USP42: variants seen among roughly 807,000 people sequenced by gnomAD.
USP42 encodes the protein ubiquitin specific peptidase 42, also known as ubiquitin carboxyl-terminal hydrolase 42.
In USP42, 23 loss-of-function variants were observed where a neutral mutation model predicts 113.0. That is an observed-to-expected ratio of 0.20 (90% CI 0.15 to 0.29). The LOEUF (loss-of-function observed/expected upper bound fraction) is 0.29. Ranked by LOEUF, USP42 falls within the 10% of genes least tolerant of loss-of-function variation. The pLI is 1.00. For missense variants in USP42, 2,174 were observed against 1,779.8 expected (o/e 1.22, Z -3.99); for synonymous variants, 933 against 699.0 (o/e 1.33, Z -5.28).
Position 6,159,454 on chromosome 7 carries a change from T to C in USP42, c.3948T>C (p.Asp1316=). 1 of 1,614,006 alleles carries C rather than the reference T, an allele frequency of 6.2e-7. No homozygotes were observed. The highest frequency in any genetic ancestry group is 8.5e-7 in the Non-Finnish European group (1 of 1,179,882). Residue 1316 remains aspartate, a synonymous_variant, in exon 17 of 18, where the codon GAT becomes GAC. Coordinates refer to ENST00000306177, the MANE Select transcript of USP42 (RefSeq NM_032172.3). The surrounding 1 kb of genome is among the most constrained non-coding windows in gnomAD (Gnocchi z 4.1). ...RCRLFEYGQG[D] is the part of the protein sequence containing the mutation. The stretch of plus-strand genomic sequence containing the variant: ...TTCCTGACCTTTGCTTTCTAGGTGA[T>C]TGAAAACTCAGCCTCAAAACAAAAA...
At position 6,111,193 on chromosome 7, in the gene USP42, T is replaced by C. The variant is rs1402794308; in HGVS notation, c.60T>C (p.Pro20=). Residue 20 remains proline, a synonymous_variant, in exon 2 of 18, where the codon CCT becomes CCC. Coordinates refer to ENST00000306177, the MANE Select transcript of USP42 (RefSeq NM_032172.3). ...SSDPSAYQNQ[P]GSSEAVSPGD... is the part of the protein sequence containing the mutation. ...ACCCATCAGCCTATCAGAATCAGCC[T>C]GGCAGCTCCGAGGCAGTCTCACCTG... The C allele has an allele frequency of 2.5e-6, 4 of 1,612,448 alleles. No homozygotes were observed. The African/African-American group carries it at 5.3e-5, about 22-fold the overall frequency.
chr7:6,132,659 A>C (rs1466495982), intron 3 of USP42, among the ~76,000 whole-genome samples: 1 of 148,440 alleles, frequency 6.7e-6, no homozygotes, highest in East Asian at 2.0e-4. Flanking sequence ...AAGCCAGCCT[A>C]TGTAATGTTT....
At chr7:6,114,492 C>T (rs1776553313) in intron 2 of USP42, among the ~76,000 whole-genome samples, 2 of 151,462 alleles carry the variant, frequency 1.3e-5, no homozygotes, top group South Asian at 2.1e-4. Context: ...CTTCATCTTT[C>T]ACTTGTATTT....
At chr7:6,097,038 C>T in the USP42 span, among the ~76,000 whole-genome samples, 2 of 150,886 alleles carry the variant, frequency 1.3e-5, no homozygotes, top group Non-Finnish European at 2.9e-5. Flanking sequence ...TCCCAAGTAG[C>T]TGTGACTACA....
chr7:6,132,278 G>A (rs1780891992), intron 3 of USP42, among the ~76,000 whole-genome samples: 1 of 152,172 alleles, frequency 6.6e-6, no homozygotes, highest in African/African-American at 2.4e-5. Context: ...TCTGGCCTGT[G>A]CTGTGCCTGA....
At chr7:6,123,667 TA>T (rs1780362014) in intron 3 of USP42, among the ~76,000 whole-genome samples, 2 of 150,942 alleles carry the variant, frequency 1.3e-5, no homozygotes. Context: ...TCTCAAAAAA[TA>T]AAAAATAAAT....
intron 12 of USP42, among the ~76,000 whole-genome samples, chr7:6,148,418 G>A (rs1413221121): frequency 6.6e-6 from 1 of 152,224 alleles, no homozygotes; most frequent in Admixed American, 6.5e-5. Flanking sequence ...AAGCCTGGGT[G>A]TCAGCACCTT....
At chr7:6,122,940 C>G (rs753222002) in intron 3 of USP42, among the ~76,000 whole-genome samples, 1 of 152,044 alleles carries the variant, frequency 6.6e-6, no homozygotes, top group Non-Finnish European at 1.5e-5. Flanking sequence ...TCTCATACCT[C>G]AGCCTCCTGA....
At position 6,153,897 on chromosome 7, in the gene USP42, C is replaced by T. The variant is rs1023770983; in HGVS notation, c.2343C>T (p.Pro781=). 6 of 1,586,726 alleles carry T rather than the reference C, an allele frequency of 3.8e-6. No homozygotes were observed. Among genetic ancestry groups the T allele is most frequent in the African/African-American group, 1.4e-5 (1 of 74,046 alleles). The change falls in exon 15 of 18, where the codon CCC becomes CCT. Residue 781 remains proline (P), a synonymous_variant. Transcript: ENST00000306177. ...AGAAGGCTCCGCCGCCCCGCGATCC[C>T]GGCACCCCCGCTACCAAAGAAGGCG... is the stretch of plus-strand genomic sequence containing the variant. The part of the protein sequence containing the change: ...STKKAPPPRD[P]GTPATKEGAW...
At chr7:6,126,389 A>G (rs1405162701) in intron 3 of USP42, among the ~76,000 whole-genome samples, 2 of 151,324 alleles carry the variant, frequency 1.3e-5, no homozygotes, top group East Asian at 1.9e-4. Flanking sequence ...GCTTCACGCC[A>G]TTCTCCTGCC....
the USP42 span, among the ~76,000 whole-genome samples, chr7:6,085,801 G>C: frequency 1.3e-5 from 2 of 150,286 alleles, no homozygotes; most frequent in Non-Finnish European, 2.9e-5. Context: ...TTTTAGTAGA[G>C]ACGGGATCTC....
Position 6,104,996 on chromosome 7 carries a change from G to GGCC in USP42, c.-44_-42dup, listed in dbSNP as rs1247331799. ...GGCTGTGTGCGGCGGCGGCGGCGGCGGCCGAGGGGGATGGAGCGAGCGCCG... is the reference window on the plus strand; with the variant it reads ...GGCTGTGTGCGGCGGCGGCGGCGGCGGCCGCCGAGGGGGATGGAGCGAGCGCCG... On this transcript the variant is annotated 5_prime_UTR_variant, in exon 1 of 18. Transcript: ENST00000306177. The GGCC allele has an allele frequency of 6.5e-6, 1 of 154,878 alleles. No individual in the cohort carries two copies. The highest frequency in any genetic ancestry group is 2.5e-5 in the African/African-American group (1 of 40,762). The allele number at this position is 154,878 out of a possible 1,614,324, so 9.6% of individuals were successfully genotyped here.
At chr7:6,141,086 T>A in intron 7 of USP42, 102 bp downstream of exon 7, 1 of 562,764 alleles carries the variant, frequency 1.8e-6, no homozygotes, top group South Asian at 3.0e-5. Flanking sequence ...GAATATAAAT[T>A]GAAAAATTCA....
chr7:6,131,473 CA>C (rs540815130), intron 3 of USP42, among the ~76,000 whole-genome samples: 1 of 151,256 alleles, frequency 6.6e-6, no homozygotes, highest in Non-Finnish European at 1.5e-5. Context: ...GATGCTGTCT[CA>C]AAAAAAACAA....
At chr7:6,122,059 TAC>T (rs201311608) in intron 3 of USP42, among the ~76,000 whole-genome samples, 2,029 of 152,318 alleles carry the variant, frequency 0.013, 29 homozygotes, top group Middle Eastern at 0.061. Flanking sequence ...TCTGTTTCAT[TAC>T]AGTTTTGTGT....
intron 3 of USP42, among the ~76,000 whole-genome samples, chr7:6,131,370 G>A (rs557197555): frequency 6.6e-6 from 1 of 152,152 alleles, no homozygotes; most frequent in East Asian, 1.9e-4. Context: ...AGCTACTCGA[G>A]AGACGGGTGG....
Position 6,139,797 on chromosome 7 carries a change from C to T in USP42, c.657-331C>T. 2.5e-6 allele frequency: 1 copy of T among 402,296 alleles called. No homozygotes were observed. Among genetic ancestry groups the T allele is most frequent in the Non-Finnish European group, 4.6e-6 (1 of 218,088 alleles). 24.9% of individuals were successfully genotyped at this position (402,296 alleles called of 1,614,324 possible). A position where few individuals can be genotyped will look rare whatever the true frequency, so the allele number is the denominator to read the frequency against. On this transcript the variant is annotated intron_variant, in intron 5 of 17. Coordinates refer to ENST00000306177, the MANE Select transcript of USP42 (RefSeq NM_032172.3). This position sits in a 1 kb window ranked among gnomAD's most constrained non-coding sequence, Gnocchi z 4.5. Reference sequence around the variant, plus strand: ...GGAGGAAGACTCTCTGCCTTTTCCGCCTCCGCTCCCTTTCCTCCCACACAG... The same window carrying T: ...GGAGGAAGACTCTCTGCCTTTTCCGTCTCCGCTCCCTTTCCTCCCACACAG...
intron 3 of USP42, among the ~76,000 whole-genome samples, chr7:6,122,910 A>G (rs899898722): frequency 1.4e-5 from 2 of 145,608 alleles, no homozygotes; most frequent in African/African-American, 5.1e-5. Context: ...CGCAGCCTCC[A>G]CCTTTCAAGT....
rs1464867327 is a variant in USP42, at chr7:6,115,372, G to A, written c.291G>A (p.Glu97=). The A allele has an allele frequency of 4.3e-6, 7 of 1,614,036 alleles. No individual in the cohort carries two copies. The highest frequency in any genetic ancestry group is 1.7e-5 in the Admixed American group (1 of 60,018). ...CACAGAAAGTTCTTTTCCCATCTGA[G>A]AAGATTTGTCTTAAGTGGCAACAAA... ...APPQKVLFPS[E]KICLKWQQTH... The change falls in exon 3 of 18, where the codon GAG becomes GAA. Residue 97 remains glutamate, a synonymous_variant. Transcript: ENST00000306177.
Sources: allele counts gnomAD v4.1 joint callset (sites outside exome capture counted in the v4.1 genomes callset), GRCh38; gene constraint gnomAD v4.1.1; non-coding constraint Gnocchi (gnomAD v3.1); transcripts MANE v1.5; gene names NCBI Gene and HGNC (gene_info 2026-07-23, HGNC 2026-07-21).